The following MAB21L3 variants were observed in gnomAD, a reference collection of about 807,000 sequenced individuals.
The protein encoded by MAB21L3 is mab-21 like 3, also known as protein mab-21-like 3.
A neutral mutation model predicts 37.7 loss-of-function variants in MAB21L3; 36 were observed. The observed-to-expected ratio is 0.96, with a 90% CI of 0.73 to 1.26. The LOEUF (loss-of-function observed/expected upper bound fraction) is 1.26, where lower values mean the gene tolerates loss of function less well. Ranked by LOEUF, MAB21L3 falls within the 50% of genes most tolerant of loss-of-function variation. MAB21L3 has a pLI of 0.00. For synonymous variants in MAB21L3, 186 were observed against 176.8 expected (o/e 1.05, Z -0.41); for missense variants, 430 against 447.3 (o/e 0.96, Z 0.35).
chr1:116,120,795 A>C, intron 3 of MAB21L3, 137 bp from the exon 4 acceptor site: 1 of 1,059,556 alleles, frequency 9.4e-7, no homozygotes, highest in South Asian at 1.6e-5. Context: ...TCTCCCCGGC[A>C]TCTTGGGAAG....
chr1:116,127,499 T>G lies in MAB21L3; in HGVS notation c.515T>G (p.Val172Gly). 6.2e-7 allele frequency: 1 copy of G among 1,614,176 alleles called. No individual in the cohort carries two copies. Among genetic ancestry groups the G allele is most frequent in the African/African-American group, 1.3e-5 (1 of 75,068 alleles). Reference sequence around the variant, plus strand: ...AGCCTGCTAGGAAACCGCTCTGCAGTTTGGGTTGCTGTGGAAACATCTGCA... The same window carrying G: ...AGCCTGCTAGGAAACCGCTCTGCAGGTTGGGTTGCTGTGGAAACATCTGCA... Reference protein sequence around the residue: ...KVSLLGNRSAVWVAVETSAYQ... With the variant: ...KVSLLGNRSAGWVAVETSAYQ... The change falls in exon 6 of 8, where the codon GTT becomes GGT. Residue 172 changes from valine (V) to glycine (G), a missense_variant. Val to Gly is a moderately radical substitution (Grantham distance 109). Transcript: ENST00000369500.
Position 116,137,867 on chromosome 1 carries a change from G to A in MAB21L3, c.*4502G>A, listed in dbSNP as rs537599304. ...AAATCATCATTCTCAGTAAACTATCGCAAGAACAAAAAACCAAACACTGCA... is the reference window on the plus strand; with the variant it reads ...AAATCATCATTCTCAGTAAACTATCACAAGAACAAAAAACCAAACACTGCA... On this transcript the variant is annotated 3_prime_UTR_variant, in exon 8 of 8. Coordinates refer to ENST00000369500, the MANE Select transcript of MAB21L3 (RefSeq NM_152367.3). 5.3e-5 allele frequency among the ~76,000 whole-genome samples: 8 copies of A among 149,746 alleles called. No homozygotes were observed. Among genetic ancestry groups the A allele is most frequent in the East Asian group, 4.0e-4 (2 of 5,044 alleles).
At chr1:116,127,261 G>C (rs190764652) in intron 5 of MAB21L3, among the ~76,000 whole-genome samples, 3 of 152,268 alleles carry the variant, frequency 2.0e-5, no homozygotes, top group Non-Finnish European at 4.4e-5. Context: ...TCCGATGCTG[G>C]CTAGCTGACT....
chr1:116,124,062 C>T lies in MAB21L3; in HGVS notation c.190-4C>T. The T allele has an allele frequency of 6.3e-7, 1 of 1,594,764 alleles. No homozygotes were observed. The highest frequency in any genetic ancestry group is 8.6e-7 in the Non-Finnish European group (1 of 1,168,234). On this transcript the variant is annotated splice_polypyrimidine_tract_variant and splice_region_variant and intron_variant, in intron 4 of 7. Coordinates refer to ENST00000369500, the MANE Select transcript of MAB21L3 (RefSeq NM_152367.3). ...GCTTGTTTTCAATCCTTTCCTGACCCTAGGTTTTGGCTCCCAGTCAGTTCC... is the reference window on the plus strand; with the variant it reads ...GCTTGTTTTCAATCCTTTCCTGACCTTAGGTTTTGGCTCCCAGTCAGTTCC...
chr1:116,124,471 A>T lies in MAB21L3; in HGVS notation c.481+114A>T, dbSNP rs1240422210. 5 of 930,516 alleles carry T rather than the reference A, an allele frequency of 5.4e-6. No individual in the cohort carries two copies. In the African/African-American group the frequency reaches 8.3e-5, roughly 15 times the overall value. 57.6% of individuals were successfully genotyped at this position (930,516 alleles called of 1,614,324 possible). A position where few individuals can be genotyped will look rare whatever the true frequency, so the allele number is the denominator to read the frequency against. On this transcript the variant is annotated intron_variant, in intron 5 of 7. Coordinates refer to ENST00000369500, the MANE Select transcript of MAB21L3 (RefSeq NM_152367.3). ...ACAGCCTACATTTGAGAAAATAATC[A>T]TGTGCTCTTCACATTTATTTAATCT...
At chr1:116,125,689 G>T (rs1380715733) in intron 5 of MAB21L3, among the ~76,000 whole-genome samples, 1 of 152,206 alleles carries the variant, frequency 6.6e-6, no homozygotes, top group African/African-American at 2.4e-5. Flanking sequence ...ATGTTTAATA[G>T]ATTTTTTTAC....
chr1:116,133,404 C>T lies in MAB21L3; in HGVS notation c.*39C>T. The T allele has an allele frequency of 6.4e-7, 1 of 1,570,002 alleles. No homozygotes were observed. The highest frequency in any genetic ancestry group is 8.8e-7 in the Non-Finnish European group (1 of 1,140,506). ...CTGGGAGGCTCTTGGACATTTTATT[C>T]TGGCTTAACATTGTTCTTTGGATGG... On this transcript the variant is annotated 3_prime_UTR_variant, in exon 8 of 8. Transcript: ENST00000369500.
chr1:116,118,761 C>G (rs1218366781), intron 3 of MAB21L3, among the ~76,000 whole-genome samples: 1 of 152,238 alleles, frequency 6.6e-6, no homozygotes, highest in Non-Finnish European at 1.5e-5. Flanking sequence ...CTGCTATTTT[C>G]TCATTCTAGA....
chr1:116,129,944 T>TA (rs1182788665), intron 7 of MAB21L3, among the ~76,000 whole-genome samples: 5 of 152,196 alleles, frequency 3.3e-5, no homozygotes, highest in Non-Finnish European at 7.3e-5. Flanking sequence ...CACACTTCCC[T>TA]AAAAACACGC....
chr1:116,124,419 CCT>C (rs964908880), intron 5 of MAB21L3, 62 bp downstream of exon 5: 1 of 1,503,164 alleles, frequency 6.7e-7, no homozygotes, highest in African/African-American at 1.4e-5. Flanking sequence ...CTCTATAAAA[CCT>C]CTGTTTGGGT....
chr1:116,132,550 C>T (rs1251087612), intron 7 of MAB21L3, among the ~76,000 whole-genome samples: 1 of 151,944 alleles, frequency 6.6e-6, no homozygotes, highest in African/African-American at 2.4e-5. Context: ...CAGACTGAGG[C>T]AAGAAATGGG....
chr1:116,118,751 C>T (rs1659658984), intron 3 of MAB21L3, among the ~76,000 whole-genome samples: 1 of 152,198 alleles, frequency 6.6e-6, no homozygotes, highest in Non-Finnish European at 1.5e-5. Flanking sequence ...GGCTCAATAC[C>T]TGCTATTTTC....
chr1:116,129,952 C>T lies in MAB21L3; in HGVS notation c.855+1613C>T, dbSNP rs139812035. Among the ~76,000 whole-genome samples the T allele has an allele frequency of 4.1e-3, 617 of 152,294 alleles. 1 individual carries two copies. Among genetic ancestry groups the T allele is most frequent in the Admixed American group, 9.1e-3 (140 of 15,306 alleles). On this transcript the variant is annotated intron_variant, in intron 7 of 7. Transcript: ENST00000369500. ...TCCCAAGCACACTTCCCTAAAAACACGCAGGCTGTTCTCCTGGATGGAGGG... is the reference window on the plus strand; with the variant it reads ...TCCCAAGCACACTTCCCTAAAAACATGCAGGCTGTTCTCCTGGATGGAGGG...
intron 7 of MAB21L3, among the ~76,000 whole-genome samples, chr1:116,128,896 T>A (rs1208313016): frequency 6.6e-6 from 1 of 152,194 alleles, no homozygotes; most frequent in Non-Finnish European, 1.5e-5. Context: ...GGCAAGGATC[T>A]TCCCTTGCTC....
In MAB21L3 at chr1:116,136,013, G is replaced by C. The variant is rs1356774546; in HGVS notation, c.*2648G>C. 9.5e-4 allele frequency among the ~76,000 whole-genome samples: 141 copies of C among 148,668 alleles called. 2 individuals are homozygous for C. The highest frequency in any genetic ancestry group is 8.4e-3 in the East Asian group (43 of 5,092). On this transcript the variant is annotated 3_prime_UTR_variant, in exon 8 of 8. Coordinates refer to ENST00000369500, the MANE Select transcript of MAB21L3 (RefSeq NM_152367.3). ...AGAGCTATCTATGACAAACCCACAG[G>C]CAATATCATACTGAATGGGCAAAAA...
At chr1:116,112,371 TC>T in intron 2 of MAB21L3, 35 bp from the exon 3 acceptor site, 1 of 408,192 alleles carries the variant, frequency 2.4e-6, no homozygotes, top group Non-Finnish European at 4.5e-6. Flanking sequence ...TATCAACTCT[TC>T]TTTTTAAATT....
intron 7 of MAB21L3, among the ~76,000 whole-genome samples, chr1:116,128,816 C>G (rs910100187): frequency 2.0e-5 from 3 of 152,190 alleles, no homozygotes; most frequent in Admixed American, 2.0e-4. Flanking sequence ...ACAGAGGGGA[C>G]CAGGAAATGC....
At chr1:116,129,237 A>AG (rs5777261) in intron 7 of MAB21L3, among the ~76,000 whole-genome samples, 59,418 of 152,156 alleles carry the variant, frequency 0.39, 16,382 homozygotes, top group African/African-American at 0.79. Context: ...CTGGGCAGTC[A>AG]GGGGGCCTCC....
At chr1:116,124,038 C>T in intron 4 of MAB21L3, 28 bp from the exon 5 acceptor site, 3 of 1,563,932 alleles carry the variant, frequency 1.9e-6, no homozygotes, top group Admixed American at 1.9e-5. Flanking sequence ...TGAATTCATG[C>T]TTGTTTTCAA....
Sources: allele counts gnomAD v4.1 joint callset (sites outside exome capture counted in the v4.1 genomes callset), GRCh38; gene constraint gnomAD v4.1.1; transcripts MANE v1.5; gene names NCBI Gene and HGNC (gene_info 2026-07-23, HGNC 2026-07-21).